The following CUBN variants were observed in gnomAD, a reference collection of about 807,000 sequenced individuals.
The protein encoded by CUBN is cubilin.
CUBN carries 282 observed loss-of-function variants against 405.3 expected under a neutral mutation model. The observed-to-expected ratio is 0.70, with a 90% CI of 0.63 to 0.77. CUBN has a LOEUF of 0.77. Ranked by LOEUF, CUBN falls within the 30% of genes least tolerant of loss-of-function variation. The pLI is 0.00. For synonymous variants in CUBN, 1,684 were observed against 1,617.0 expected, an observed-to-expected ratio of 1.04 and a Z score of -0.99; for missense variants, 4,514 against 4,475.2, an observed-to-expected ratio of 1.01 and a Z score of -0.25.
chr10:17,005,742 T>A (rs909950185), intron 28 of CUBN, among the ~76,000 whole-genome samples: 1 of 152,114 alleles, frequency 6.6e-6, no homozygotes, highest in African/African-American at 2.4e-5. Context: ...TATGACTAAC[T>A]CCCCAAAGTC....
In CUBN at chr10:16,999,474, T is replaced by C. The variant is rs10508518; in HGVS notation, c.4169-8959A>G. ...AAATGGTTTCCCAGTAGAAATCCCT[T>C]GCTTACAATTCTTCAGGAGAAATCA... On this transcript the variant is annotated intron_variant, in intron 28 of 66. Coordinates refer to ENST00000377833, the MANE Select transcript of CUBN (RefSeq NM_001081.4). Among the ~76,000 whole-genome samples the C allele has an allele frequency of 3.3e-5, 5 of 152,106 alleles. No homozygotes were observed. The East Asian group carries it at 9.6e-4, about 29-fold the overall frequency.
chr10:17,105,517 A>G lies in CUBN; in HGVS notation c.1170T>C (p.Asn390=), dbSNP rs1240030845. 3 of 1,612,334 alleles carry G rather than the reference A, an allele frequency of 1.9e-6. No individual in the cohort carries two copies. The highest frequency in any genetic ancestry group is 1.7e-6 in the Non-Finnish European group (2 of 1,178,334). ...PGYTGNGYGP[N]GCVQLSNICL... ...AAATATTACTGAGCTGCACACATCC[A>G]TTTGGCCCATAACCATTTCCAGTAT... Residue 390 remains asparagine, a synonymous_variant, in exon 11 of 67, where the codon AAT becomes AAC. Coordinates refer to ENST00000377833, the MANE Select transcript of CUBN (RefSeq NM_001081.4).
chr10:16,936,452 T>C lies in CUBN; in HGVS notation c.5926+1140A>G, dbSNP rs555823988. Reference sequence around the variant, plus strand: ...GTAGGAACAACATTTCAGAATGGAATACTAAGGGACATTAAATAAATATAA... The same window carrying C: ...GTAGGAACAACATTTCAGAATGGAACACTAAGGGACATTAAATAAATATAA... On this transcript the variant is annotated intron_variant, in intron 39 of 66. Coordinates refer to ENST00000377833, the MANE Select transcript of CUBN (RefSeq NM_001081.4). Among the ~76,000 whole-genome samples, 40 of 152,328 alleles carry C rather than the reference T, an allele frequency of 2.6e-4. 1 individual carries two copies. The highest frequency in any genetic ancestry group is 8.3e-4 in the South Asian group (4 of 4,834).
chr10:16,876,857 AAAG>A, intron 57 of CUBN, 37 bp downstream of exon 57: 4 of 1,566,082 alleles, frequency 2.6e-6, no homozygotes, highest in Non-Finnish European at 2.6e-6. Context: ...ATTACTCAGA[AAAG>A]AAGAAAATTC....
intron 28 of CUBN, among the ~76,000 whole-genome samples, chr10:16,996,914 C>G (rs1833749869): frequency 6.6e-6 from 1 of 152,178 alleles, no homozygotes; most frequent in Admixed American, 6.5e-5. Flanking sequence ...AAAGGAAATG[C>G]CTGGGAAATC....
At chr10:17,032,364 G>A (rs747036844) in intron 27 of CUBN, among the ~76,000 whole-genome samples, 1 of 152,158 alleles carries the variant, frequency 6.6e-6, no homozygotes, top group Non-Finnish European at 1.5e-5. Context: ...ATCACAGCTG[G>A]TAAAGAGCTT....
At chr10:16,966,314 G>C (rs2932910) in intron 31 of CUBN, among the ~76,000 whole-genome samples, 52,427 of 151,940 alleles carry the variant, frequency 0.35, 9,239 homozygotes, top group Middle Eastern at 0.45. Flanking sequence ...CATAAACCCA[G>C]AACTTCTATC....
At chr10:16,979,332 GAA>G (rs1277201761) in intron 31 of CUBN, among the ~76,000 whole-genome samples, 1 of 151,670 alleles carries the variant, frequency 6.6e-6, no homozygotes, top group African/African-American at 2.4e-5. Context: ...CACGGAATTA[GAA>G]AAAAAACTCT....
At chr10:16,991,776 C>T (rs1219380655) in intron 28 of CUBN, among the ~76,000 whole-genome samples, 1 of 152,024 alleles carries the variant, frequency 6.6e-6, no homozygotes, top group Non-Finnish European at 1.5e-5. Context: ...AATAGGAACA[C>T]TTTTACACTG....
chr10:17,024,703 G>A (rs1330972487), intron 27 of CUBN, among the ~76,000 whole-genome samples: 3 of 151,800 alleles, frequency 2.0e-5, no homozygotes, highest in South Asian at 2.1e-4. Flanking sequence ...ACAGAGTTTC[G>A]CCATGTTGCC....
At chr10:17,005,019 T>A (rs1249330119) in intron 28 of CUBN, among the ~76,000 whole-genome samples, 1 of 152,142 alleles carries the variant, frequency 6.6e-6, no homozygotes. Flanking sequence ...CTGCTCTGAC[T>A]AGTCACCAAA....
At chr10:16,987,001 G>C (rs1373037547) in intron 29 of CUBN, among the ~76,000 whole-genome samples, 1 of 152,146 alleles carries the variant, frequency 6.6e-6, no homozygotes, top group Non-Finnish European at 1.5e-5. Flanking sequence ...TGCCACTTTG[G>C]ACATTATTTA....
chr10:17,109,735 C>A lies in CUBN; in HGVS notation c.1016G>T (p.Gly339Val). Residue 339 changes from glycine to valine, a missense_variant and splice_region_variant, in exon 10 of 67, where the codon GGG becomes GTG. Coordinates refer to ENST00000377833, the MANE Select transcript of CUBN (RefSeq NM_001081.4). ...GCACACTCTTCCGTCACCCTGGTAC[C>A]CTGATGAGAACAAGAGCCAGGTCAT... ...GSSHCQACPPGYQGDGRVCTL... is the reference protein window; with the variant it reads ...GSSHCQACPPVYQGDGRVCTL... 1 of 1,612,664 alleles carries A rather than the reference C, an allele frequency of 6.2e-7. No individual in the cohort carries two copies. Among genetic ancestry groups the A allele is most frequent in the Non-Finnish European group, 8.5e-7 (1 of 1,179,206 alleles).
At chr10:16,867,783 G>A (rs1427934034) in intron 59 of CUBN, among the ~76,000 whole-genome samples, 2 of 152,116 alleles carry the variant, frequency 1.3e-5, no homozygotes, top group Non-Finnish European at 2.9e-5. Flanking sequence ...TTTTCCTTCT[G>A]TTAAATCACA....
At chr10:17,106,597 C>CA (rs113317804) in intron 10 of CUBN, among the ~76,000 whole-genome samples, 6,236 of 110,994 alleles carry the variant, frequency 0.056, 272 homozygotes, top group African/African-American at 0.12. Flanking sequence ...AACGCCATCT[C>CA]AAAAAAAAAA....
Position 17,097,977 on chromosome 10 carries a change from T to C in CUBN, c.1765+2028A>G, listed in dbSNP as rs139411319. ...TGTGACTAAGTTAACCCATTGAGTATGGCAGAAATAACACAATGACTTCCA... is the reference window on the plus strand; with the variant it reads ...TGTGACTAAGTTAACCCATTGAGTACGGCAGAAATAACACAATGACTTCCA... On this transcript the variant is annotated intron_variant, in intron 14 of 66. Coordinates refer to ENST00000377833, the MANE Select transcript of CUBN (RefSeq NM_001081.4). 8.0e-3 allele frequency among the ~76,000 whole-genome samples: 1,217 copies of C among 152,270 alleles called. 17 individuals carry two copies. Among genetic ancestry groups the C allele is most frequent in the African/African-American group, 0.028 (1,165 of 41,558 alleles).
intron 22 of CUBN, among the ~76,000 whole-genome samples, chr10:17,062,056 C>G (rs556658932): frequency 7.3e-4 from 111 of 152,286 alleles, no homozygotes; most frequent in African/African-American, 2.5e-3. Context: ...AATACATTTA[C>G]GTTAGCCACC....
chr10:16,937,436 A>G (rs1842541437), intron 39 of CUBN, among the ~76,000 whole-genome samples, 156 bp downstream of exon 39: 1 of 152,210 alleles, frequency 6.6e-6, no homozygotes, highest in African/African-American at 2.4e-5. Context: ...TACAAAAGGT[A>G]GTGTTTATGA....
In CUBN at chr10:16,923,469, G is replaced by A. The variant is rs189821265; in HGVS notation, c.6646+1772C>T. Reference sequence around the variant, plus strand: ...ATGGTGGGAAGATAGCCAGATAGACGTGGGAAGTAGAAGGCTGGCTATAGT... The same window carrying A: ...ATGGTGGGAAGATAGCCAGATAGACATGGGAAGTAGAAGGCTGGCTATAGT... On this transcript the variant is annotated intron_variant, in intron 43 of 66. Coordinates refer to ENST00000377833, the MANE Select transcript of CUBN (RefSeq NM_001081.4). Among the ~76,000 whole-genome samples the A allele has an allele frequency of 1.4e-3, 210 of 152,274 alleles. 1 individual carries two copies. Among genetic ancestry groups the A allele is most frequent in the Admixed American group, 6.9e-3 (105 of 15,290 alleles).
Sources: allele counts gnomAD v4.1 joint callset (sites outside exome capture counted in the v4.1 genomes callset), GRCh38; gene constraint gnomAD v4.1.1; transcripts MANE v1.5; gene names NCBI Gene and HGNC (gene_info 2026-07-23, HGNC 2026-07-21).